Variants in RABGEF1 observed in about 807,000 individuals in gnomAD.
The protein encoded by RABGEF1 is rab5 GDP/GTP exchange factor.
RABGEF1 carries 26 observed loss-of-function variants against 57.3 expected under a neutral mutation model. The ratio of observed to expected loss-of-function variants is 0.45; its 90% CI spans 0.33 to 0.63. The LOEUF is 0.63. RABGEF1 is among the 20% of genes least tolerant of loss of function. The probability of loss-of-function intolerance (pLI) is 0.02; values close to 1 mark genes in which losing one functional copy is unlikely to be tolerated. For missense variants in RABGEF1, 464 were observed against 607.6 expected (o/e 0.76, Z 2.48); for synonymous variants, 185 against 210.7 (o/e 0.88, Z 1.06).
At chr7:66,764,058 C>T (rs1487410910) in intron 1 of RABGEF1, among the ~76,000 whole-genome samples, 2 of 152,192 alleles carry the variant, frequency 1.3e-5, no homozygotes, top group Non-Finnish European at 2.9e-5. Context: ...CAGACTTCTC[C>T]ACAATGGCTG....
intron 2 of RABGEF1, among the ~76,000 whole-genome samples, chr7:66,720,827 C>G (rs1481836397): frequency 6.6e-6 from 1 of 152,140 alleles, no homozygotes; most frequent in Non-Finnish European, 1.5e-5. Context: ...GCTACTAGAA[C>G]TAATAAGTTA....
chr7:66,755,500 G>A (rs935072492), intron 1 of RABGEF1, among the ~76,000 whole-genome samples: 6 of 151,934 alleles, frequency 3.9e-5, no homozygotes, highest in South Asian at 4.1e-4. Context: ...AAAAAAAAGC[G>A]TAAAGAAAAG....
At chr7:66,770,838 T>C (rs1170397838) in intron 1 of RABGEF1, among the ~76,000 whole-genome samples, 1 of 152,194 alleles carries the variant, frequency 6.6e-6, no homozygotes, top group Non-Finnish European at 1.5e-5. Flanking sequence ...TGATATCTCA[T>C]TGTGATTTTG....
intron 1 of RABGEF1, among the ~76,000 whole-genome samples, chr7:66,749,329 A>G (rs919954323): frequency 7.2e-5 from 11 of 152,210 alleles, no homozygotes; most frequent in Non-Finnish European, 2.9e-5. Flanking sequence ...CTTACTCAGT[A>G]AACAGTGGGT....
At chr7:66,786,428 G>T (rs1284071564) in intron 4 of RABGEF1, among the ~76,000 whole-genome samples, 1 of 151,904 alleles carries the variant, frequency 6.6e-6, no homozygotes, top group Non-Finnish European at 1.5e-5. Flanking sequence ...TTTTGAAGCA[G>T]TGTGTTGCTC....
At chr7:66,739,588 G>A (rs946180461), upstream of RABGEF1, among the ~76,000 whole-genome samples, 5 of 144,842 alleles carry the variant, frequency 3.5e-5, no homozygotes, top group African/African-American at 1.3e-4. Flanking sequence ...CTTGAACCTA[G>A]GAGGCGGAGG....
chr7:66,798,471 T>C (rs1786538334), intron 6 of RABGEF1, among the ~76,000 whole-genome samples: 1 of 152,142 alleles, frequency 6.6e-6, no homozygotes, highest in Non-Finnish European at 1.5e-5. Flanking sequence ...GCTGAAGATG[T>C]GGAGCCCAAG....
chr7:66,680,514 G>T (rs1055284829), upstream of RABGEF1, among the ~76,000 whole-genome samples: 9 of 152,018 alleles, frequency 5.9e-5, no homozygotes, highest in African/African-American at 2.2e-4. Context: ...AAAGTGCTGG[G>T]ATTACAGGCG....
chr7:66,754,712 G>A (rs1228387814), intron 1 of RABGEF1, among the ~76,000 whole-genome samples: 1 of 152,108 alleles, frequency 6.6e-6, no homozygotes, highest in East Asian at 1.9e-4. Flanking sequence ...ATTTGATTGC[G>A]CCATCTAACA....
the RABGEF1 span, among the ~76,000 whole-genome samples, chr7:66,655,864 T>G: frequency 1.3e-5 from 2 of 152,240 alleles, no homozygotes; most frequent in South Asian, 2.1e-4. Context: ...GTCATGTTTC[T>G]ACTCTCTAGA....
At chr7:66,756,564 T>TA (rs1316232660) in intron 1 of RABGEF1, among the ~76,000 whole-genome samples, 1 of 151,790 alleles carries the variant, frequency 6.6e-6, no homozygotes, top group Non-Finnish European at 1.5e-5. Context: ...CCTGTTCAGA[T>TA]TTTTTTTTCT....
At chr7:66,701,884 G>T (rs577992507) in intron 1 of RABGEF1, among the ~76,000 whole-genome samples, 1 of 152,022 alleles carries the variant, frequency 6.6e-6, no homozygotes, top group Non-Finnish European at 1.5e-5. Context: ...TTTTATTGAT[G>T]ACTGTTTTTA....
intron 1 of RABGEF1, among the ~76,000 whole-genome samples, chr7:66,770,804 G>T (rs1231380981): frequency 6.6e-6 from 1 of 152,102 alleles, no homozygotes; most frequent in Non-Finnish European, 1.5e-5. Flanking sequence ...TTTTTTTACA[G>T]TAGCCATCCT....
intron 1 of RABGEF1, among the ~76,000 whole-genome samples, chr7:66,764,392 G>A (rs1216899533): frequency 1.1e-5 from 1 of 89,156 alleles, no homozygotes; most frequent in African/African-American, 3.6e-5. Flanking sequence ...ACTTGCAAAT[G>A]TTTTCTCTTA....
At chr7:66,699,356 GC>G (rs1375814159) in intron 1 of RABGEF1, among the ~76,000 whole-genome samples, 3 of 152,168 alleles carry the variant, frequency 2.0e-5, no homozygotes, top group African/African-American at 7.2e-5. Flanking sequence ...AAGGCATTGG[GC>G]AAGGTATTGA....
intron 1 of RABGEF1, among the ~76,000 whole-genome samples, chr7:66,771,202 G>C (rs1447577770): frequency 6.6e-6 from 1 of 152,094 alleles, no homozygotes; most frequent in Non-Finnish European, 1.5e-5. Context: ...GCAGTGGCGT[G>C]ATCTTGGCTC....
At chr7:66,655,556 G>C in the RABGEF1 span, among the ~76,000 whole-genome samples, 12 of 152,104 alleles carry the variant, frequency 7.9e-5, no homozygotes, top group Admixed American at 3.9e-4. Context: ...TATTTTTTGA[G>C]ATGGGATCTC....
chr7:66,717,790 G>A (rs989715015), intron 2 of RABGEF1, among the ~76,000 whole-genome samples: 2 of 151,836 alleles, frequency 1.3e-5, no homozygotes, highest in Non-Finnish European at 2.9e-5. Context: ...AAATTCCTGG[G>A]CTTAAGTGAT....
At chr7:66,658,487 G>C in the RABGEF1 span, among the ~76,000 whole-genome samples, 1 of 146,170 alleles carries the variant, frequency 6.8e-6, no homozygotes, top group East Asian at 2.0e-4. Flanking sequence ...AGCTGAGATC[G>C]CACCATTGTG....
Sources: allele counts gnomAD v4.1 joint callset (sites outside exome capture counted in the v4.1 genomes callset), GRCh38; gene constraint gnomAD v4.1.1; transcripts MANE v1.5; gene names NCBI Gene and HGNC (gene_info 2026-07-23, HGNC 2026-07-21).